Variants in KIF5B observed in about 807,000 individuals in gnomAD.
KIF5B encodes kinesin family member 5B, also known as kinesin-1 heavy chain.
A neutral mutation model predicts 132.8 loss-of-function variants in KIF5B; 49 were observed. The observed-to-expected ratio is 0.37, with a 90% confidence interval of 0.29 to 0.47. The LOEUF (loss-of-function observed/expected upper bound fraction) is 0.47, where lower values mean the gene tolerates loss of function less well. Ranked by LOEUF, KIF5B falls within the 20% of genes least tolerant of loss-of-function variation. The pLI, the probability that KIF5B is intolerant of heterozygous loss-of-function variation, is 1.00. For missense variants in KIF5B, 780 were observed against 1,144.0 expected (o/e 0.68, Z 4.59); for synonymous variants, 355 against 369.4 (o/e 0.96, Z 0.45).
At chr10:32,017,919 A>G in intron 23 of KIF5B, 133 bp downstream of exon 23, 4 of 489,298 alleles carry the variant, frequency 8.2e-6, no homozygotes, top group Non-Finnish European at 1.5e-5. Context: ...TGGTTTCTTT[A>G]TATAATTTCT....
chr10:32,047,368 T>G (rs1162778392), intron 2 of KIF5B, among the ~76,000 whole-genome samples: 1 of 152,120 alleles, frequency 6.6e-6, no homozygotes, highest in African/African-American at 2.4e-5. Flanking sequence ...CCTTTGACTA[T>G]ATCCTCAATT....
rs146209446 is a variant in KIF5B, at chr10:32,049,241, T to C, written c.127-690A>G. Reference sequence around the variant, plus strand: ...CTCTGCTTTAGTGGAGCATAAATAATAGTGGGGCAGACATTAAAAAATTAA... The same window carrying C: ...CTCTGCTTTAGTGGAGCATAAATAACAGTGGGGCAGACATTAAAAAATTAA... On this transcript the variant is annotated intron_variant, in intron 1 of 25. Coordinates refer to ENST00000302418, the MANE Select transcript of KIF5B (RefSeq NM_004521.3). Among the ~76,000 whole-genome samples, 4 of 152,250 alleles carry C rather than the reference T, an allele frequency of 2.6e-5. No individual in the cohort carries two copies. In the East Asian group the frequency reaches 7.7e-4, roughly 29 times the overall value.
At chr10:32,012,924 G>A (rs752074445) in intron 25 of KIF5B, among the ~76,000 whole-genome samples, 28 of 146,874 alleles carry the variant, frequency 1.9e-4, no homozygotes, top group South Asian at 4.3e-4. Flanking sequence ...TTTTTGAGAC[G>A]GAGTTTTGCT....
At chr10:32,040,891 G>C (rs571911273) in intron 2 of KIF5B, among the ~76,000 whole-genome samples, 29 of 151,898 alleles carry the variant, frequency 1.9e-4, no homozygotes, top group Admixed American at 3.3e-4. Context: ...AGGAGGCTGA[G>C]GCAGGAGAAT....
rs912740674 is a variant in KIF5B at position 32,055,871 on chromosome 10, C to T, written c.103G>A (p.Gly35Arg). 6.2e-7 allele frequency: 1 copy of T among 1,613,014 alleles called. No homozygotes were observed. The highest frequency in any genetic ancestry group is 8.5e-7 in the Non-Finnish European group (1 of 1,179,868). ...RGDKYIAKFQ[G>R]EDTVVIASKP... ...ACCGCGATCACGACCGTGTCTTCTC[C>T]CTGAAACTTGGCGATGTACTTGTCG... is the stretch of plus-strand genomic sequence containing the variant. Residue 35 changes from glycine to arginine, a missense_variant, in exon 1 of 26, where the codon GGA becomes AGA. By Grantham distance (125) the Gly-to-Arg change is moderately radical (BLOSUM62 -2). Around this residue, in one of 9 missense-constraint regions of KIF5B, gnomAD observed 66 missense variants for 83.4 expected, o/e 0.79. Transcript: ENST00000302418.
At chr10:32,052,632 ATTT>A (rs1358914463) in intron 1 of KIF5B, among the ~76,000 whole-genome samples, 1 of 151,828 alleles carries the variant, frequency 6.6e-6, no homozygotes, top group Non-Finnish European at 1.5e-5. Context: ...TTTTCTACTG[ATTT>A]TTTTCTGGTG....
chr10:32,040,236 C>A (rs984572754), intron 3 of KIF5B, 148 bp downstream of exon 3: 19 of 646,254 alleles, frequency 2.9e-5, no homozygotes, highest in Non-Finnish European at 5.0e-5. Flanking sequence ...TGATTAGATT[C>A]CAACAATGAT....
intron 19 of KIF5B, 146 bp downstream of exon 19, chr10:32,020,876 G>A (rs564423999): frequency 5.5e-6 from 3 of 541,826 alleles, no homozygotes; most frequent in Non-Finnish European, 9.5e-6. Context: ...CTGGAATTTA[G>A]AAGTTTTACT....
At chr10:32,030,116 TA>T (rs1240838477) in intron 14 of KIF5B, among the ~76,000 whole-genome samples, 1 of 152,188 alleles carries the variant, frequency 6.6e-6, no homozygotes, top group Non-Finnish European at 1.5e-5. Context: ...AACCACAAAA[TA>T]GCTCCTCCAT....
At chr10:32,034,910 TGTATATATG>T (rs1841445180) in intron 10 of KIF5B, 72 bp from the exon 11 acceptor site, 1 of 1,180,262 alleles carries the variant, frequency 8.5e-7, no homozygotes, top group South Asian at 2.0e-5. Flanking sequence ...ATGGAATATA[TGTATATATG>T]GCTAAGAAAC....
chr10:32,041,036 C>T (rs1841529480), intron 2 of KIF5B, among the ~76,000 whole-genome samples: 1 of 147,000 alleles, frequency 6.8e-6, no homozygotes, highest in Non-Finnish European at 1.5e-5. Flanking sequence ...ATTTCAGCTA[C>T]TCGAAAGACT....
In KIF5B at chr10:32,011,336, T is replaced by C. The variant is rs916615460; in HGVS notation, c.*201A>G. On this transcript the variant is annotated 3_prime_UTR_variant, in exon 26 of 26. Coordinates refer to ENST00000302418, the MANE Select transcript of KIF5B (RefSeq NM_004521.3). ...TAAGATGCCAAAATTGCACTCTAGT[T>C]GTGTTGGGAAGCAGCAGAGTTTACA... The C allele has an allele frequency of 6.6e-6, 1 of 152,570 alleles. No homozygotes were observed. The highest frequency in any genetic ancestry group is 1.5e-5 in the Non-Finnish European group (1 of 68,010). 9.5% of individuals were successfully genotyped at this position (152,570 alleles called of 1,614,324 possible).
At chr10:32,050,209 A>G (rs1044570797) in intron 1 of KIF5B, among the ~76,000 whole-genome samples, 4 of 152,192 alleles carry the variant, frequency 2.6e-5, no homozygotes, top group Non-Finnish European at 4.4e-5. Context: ...CCCACTTCAA[A>G]GTCTGAAATA....
Position 32,032,965 on chromosome 10 carries a change from T to C in KIF5B, c.1306-191A>G, listed in dbSNP as rs139098212. 2.8e-3 allele frequency among the ~76,000 whole-genome samples: 422 copies of C among 152,340 alleles called. 1 individual carries two copies. The highest frequency in any genetic ancestry group is 9.7e-3 in the African/African-American group (405 of 41,588). On this transcript the variant is annotated intron_variant, in intron 12 of 25. Transcript: ENST00000302418. ...AATTTCTTTCAATTATCAATACTTA[T>C]AATGGTCATGTACTTCGAACCTGCC...
chr10:32,015,599 C>T lies in KIF5B; in HGVS notation c.2822G>A (p.Arg941His), dbSNP rs1194314131. The change falls in exon 25 of 26, where the codon CGT becomes CAT. Residue 941 changes from arginine (R) to histidine (H), a missense_variant. Around this residue, in one of 9 missense-constraint regions of KIF5B, gnomAD observed 90 missense variants for 101.8 expected, o/e 0.88. Transcript: ENST00000302418. ...GTTCTGAACAAATGCACCTCCTCCACGAATTGCACTTGGGTGAGTTGGAGA... is the reference window on the plus strand; with the variant it reads ...GTTCTGAACAAATGCACCTCCTCCATGAATTGCACTTGGGTGAGTTGGAGA... ...AASPTHPSAIRGGGAFVQNSQ... is the reference protein window; with the variant it reads ...AASPTHPSAIHGGGAFVQNSQ... 2.5e-6 allele frequency: 4 copies of T among 1,613,618 alleles called. No individual in the cohort carries two copies. The highest frequency in any genetic ancestry group is 2.2e-5 in the East Asian group (1 of 44,878).
chr10:32,019,998 C>G, intron 19 of KIF5B, 39 bp from the exon 20 acceptor site: 1 of 1,302,202 alleles, frequency 7.7e-7, no homozygotes, highest in South Asian at 1.3e-5. Flanking sequence ...GTATCAATAT[C>G]ACAGTTTTCT....
At chr10:32,039,534 A>G (rs1592450341) in intron 3 of KIF5B, 103 bp from the exon 4 acceptor site, 3 of 636,686 alleles carry the variant, frequency 4.7e-6, no homozygotes, top group Non-Finnish European at 8.1e-6. Flanking sequence ...GACAGGAACT[A>G]TATTTTTGTG....
At chr10:32,021,542 T>G (rs1841261464) in intron 17 of KIF5B, among the ~76,000 whole-genome samples, 1 of 151,502 alleles carries the variant, frequency 6.6e-6, no homozygotes, top group Admixed American at 6.6e-5. Flanking sequence ...ACAGATTAGT[T>G]AAGGGAATGG....
rs1841516839 is a variant in KIF5B, at chr10:32,040,369, A to C, written c.288+15T>G. 1.3e-6 allele frequency: 2 copies of C among 1,509,088 alleles called. No homozygotes were observed. Among genetic ancestry groups the C allele is most frequent in the South Asian group, 2.2e-5 (2 of 88,936 alleles). The allele number at this position is 1,509,088 out of a possible 1,614,324, so 93.5% of individuals were successfully genotyped here. On this transcript the variant is annotated intron_variant, in intron 3 of 25. Coordinates refer to ENST00000302418, the MANE Select transcript of KIF5B (RefSeq NM_004521.3). The stretch of plus-strand genomic sequence containing the variant: ...TATTGCAAACCACATCTAAGTACAG[A>C]TTATAAAACGTTACCTCCATTGTGT...
Sources: allele counts gnomAD v4.1 joint callset (sites outside exome capture counted in the v4.1 genomes callset), GRCh38; gene constraint gnomAD v4.1.1; regional missense constraint gnomAD v4.1.1; transcripts MANE v1.5; gene names NCBI Gene and HGNC (gene_info 2026-07-23, HGNC 2026-07-21).